The following TRIM37 variants were observed in gnomAD, a reference collection of about 807,000 sequenced individuals.
TRIM37 encodes tripartite motif containing 37.
A neutral mutation model predicts 129.8 loss-of-function variants in TRIM37; 80 were observed. That is an observed-to-expected ratio of 0.62 (90% CI 0.51 to 0.74). TRIM37 has a LOEUF of 0.74. Among genes scored for constraint, TRIM37 ranks in the 30% least tolerant of loss-of-function variants. The pLI, the probability that TRIM37 is intolerant of heterozygous loss-of-function variation, is 0.00. For synonymous variants in TRIM37, 389 were observed against 387.1 expected (o/e 1.00, Z -0.06); for missense variants, 1,054 against 1,176.5 (o/e 0.90, Z 1.52).
At chr17:59,073,858 A>G (rs1370192385) in intron 8 of TRIM37, among the ~76,000 whole-genome samples, 1 of 152,242 alleles carries the variant, frequency 6.6e-6, no homozygotes, top group African/African-American at 2.4e-5. Context: ...TCCCATTGAA[A>G]GGTCTTCACG....
intron 2 of TRIM37, among the ~76,000 whole-genome samples, chr17:59,095,557 A>C (rs2044773185): frequency 1.3e-5 from 2 of 152,218 alleles, no homozygotes; most frequent in African/African-American, 4.8e-5. Flanking sequence ...ATTTGTTAAC[A>C]AAGGACTTTT....
intron 24 of TRIM37, among the ~76,000 whole-genome samples, chr17:58,986,801 C>T (rs756324857): frequency 6.6e-6 from 1 of 152,148 alleles, no homozygotes; most frequent in Non-Finnish European, 1.5e-5. Flanking sequence ...TGAGACACCA[C>T]GCCCAGCCCC....
chr17:58,987,878 A>G (rs1240566878), intron 24 of TRIM37, among the ~76,000 whole-genome samples: 2 of 152,230 alleles, frequency 1.3e-5, no homozygotes, highest in African/African-American at 4.8e-5. Flanking sequence ...TGTGTGTTTT[A>G]CATATATACA....
chr17:59,016,930 C>T (rs1017349385), intron 20 of TRIM37, among the ~76,000 whole-genome samples: 8 of 152,082 alleles, frequency 5.3e-5, no homozygotes, highest in African/African-American at 1.9e-4. Context: ...AATCCGAGCA[C>T]TTTGGGAGGT....
intron 21 of TRIM37, among the ~76,000 whole-genome samples, chr17:59,013,891 G>C (rs1241197626): frequency 6.6e-6 from 1 of 151,764 alleles, no homozygotes; most frequent in East Asian, 1.9e-4. Context: ...AAAAAGACAT[G>C]AGCTGGACAG....
At chr17:59,091,114 G>A (rs1482305632) in intron 3 of TRIM37, among the ~76,000 whole-genome samples, 186 bp downstream of exon 3, 3 of 151,912 alleles carry the variant, frequency 2.0e-5, no homozygotes, top group African/African-American at 4.8e-5. Flanking sequence ...CATAGTAAAC[G>A]TAATTTTAAG....
At chr17:59,028,823 C>A (rs1269394218) in intron 18 of TRIM37, 100 bp from the exon 19 acceptor site, 1 of 1,201,062 alleles carries the variant, frequency 8.3e-7, no homozygotes, top group South Asian at 1.3e-5. Context: ...AATAAGCTAG[C>A]GTGCTTTACG....
At chr17:58,980,713 A>G, downstream of TRIM37, 3 of 1,614,236 alleles carry the variant, frequency 1.9e-6, no homozygotes, top group Non-Finnish European at 2.5e-6. The surrounding 1 kb of genome is among the most constrained non-coding windows in gnomAD (Gnocchi z 4.7). Context: ...CTGTCTGTTC[A>G]GGGTTGGAAA....
intron 13 of TRIM37, among the ~76,000 whole-genome samples, chr17:59,052,027 T>C (rs1156955055): frequency 6.6e-6 from 1 of 152,170 alleles, no homozygotes; most frequent in Non-Finnish European, 1.5e-5. Context: ...ATTGCTTTAC[T>C]ATCCCCCAAG....
intron 8 of TRIM37, chr17:59,073,253 G>T (rs2042535476): frequency 6.6e-6 from 1 of 151,868 alleles, no homozygotes; most frequent in East Asian, 1.9e-4. Flanking sequence ...AACACTATCA[G>T]GCTATATCAC....
intron 16 of TRIM37, among the ~76,000 whole-genome samples, chr17:59,043,632 A>C (rs1238501479): frequency 6.6e-6 from 1 of 151,796 alleles, no homozygotes; most frequent in Non-Finnish European, 1.5e-5. Flanking sequence ...AGAGGTGGAG[A>C]CTCCCTTCTG....
intron 24 of TRIM37, among the ~76,000 whole-genome samples, chr17:58,991,690 G>T (rs1351883194): frequency 6.6e-6 from 1 of 152,084 alleles, no homozygotes; most frequent in African/African-American, 2.4e-5. Context: ...ACACCTATTA[G>T]AATGGCTAAA....
intron 1 of TRIM37, among the ~76,000 whole-genome samples, chr17:59,105,798 T>C (rs2045937356): frequency 6.6e-6 from 1 of 152,198 alleles, no homozygotes; most frequent in South Asian, 2.1e-4. Context: ...AAAGCAAGGA[T>C]TTCCTATTTC....
the TRIM37 span, among the ~76,000 whole-genome samples, chr17:58,973,533 G>C: frequency 6.6e-6 from 1 of 150,806 alleles, no homozygotes; most frequent in South Asian, 2.1e-4. Context: ...ACAGTGGTTG[G>C]GACAGGCACA....
At chr17:59,025,977 T>C (rs995997463) in intron 19 of TRIM37, among the ~76,000 whole-genome samples, 1 of 152,246 alleles carries the variant, frequency 6.6e-6, no homozygotes, top group Non-Finnish European at 1.5e-5. Flanking sequence ...GTCTTCCTTA[T>C]ATTAAGAGAA....
At chr17:59,033,740 T>C (rs58092632) in intron 17 of TRIM37, among the ~76,000 whole-genome samples, 52,784 of 151,658 alleles carry the variant, frequency 0.35, 9,834 homozygotes, top group East Asian at 0.52. Context: ...TCTTTTCTTT[T>C]ACTAAGGAAT....
intron 3 of TRIM37, among the ~76,000 whole-genome samples, chr17:59,090,711 C>T (rs1165172135): frequency 6.6e-6 from 1 of 152,028 alleles, no homozygotes; most frequent in Non-Finnish European, 1.5e-5. Flanking sequence ...CTCCAACCTC[C>T]ACCTCCTAGG....
downstream of TRIM37, chr17:58,980,468 T>C (rs1335276293): frequency 1.2e-6 from 2 of 1,614,064 alleles, no homozygotes; most frequent in Non-Finnish European, 1.7e-6. The surrounding 1 kb of genome is among the most constrained non-coding windows in gnomAD (Gnocchi z 4.7). Context: ...AGACCCAGGC[T>C]ACCTAGATCT....
At chr17:58,997,655 A>G (rs1409066361), downstream of TRIM37, among the ~76,000 whole-genome samples, 1 of 152,216 alleles carries the variant, frequency 6.6e-6, no homozygotes, top group East Asian at 1.9e-4. Context: ...TGAACTTGAG[A>G]TAAAATACTA....
Sources: gnomAD v4.1 joint callset for allele counts (sites outside exome capture counted in the v4.1 genomes callset) on GRCh38, gnomAD v4.1.1 for gene constraint, Gnocchi (gnomAD v3.1) non-coding constraint, MANE v1.5 for transcripts, NCBI Gene and HGNC (gene_info 2026-07-23, HGNC 2026-07-21) for gene names.